The following SH3BGR variants were observed in gnomAD, a reference collection of about 807,000 sequenced individuals.
SH3BGR encodes the protein SH3 domain binding glutamate rich protein, also known as SH3 domain-binding glutamic acid-rich protein.
In SH3BGR, 29 loss-of-function variants were observed where a neutral mutation model predicts 24.5. The ratio of observed to expected loss-of-function variants is 1.18; its 90% CI spans 0.88 to 1.61. SH3BGR has a LOEUF of 1.61. SH3BGR is among the 40% of genes most tolerant of loss of function. The pLI, the probability that SH3BGR is intolerant of heterozygous loss-of-function variation, is 0.00. For synonymous variants in SH3BGR, 55 were observed against 65.7 expected, an observed-to-expected ratio of 0.84 and a Z score of 0.79; for missense variants, 162 against 205.8, an observed-to-expected ratio of 0.79 and a Z score of 1.30.
intron 2 of SH3BGR, among the ~76,000 whole-genome samples, chr21:39,466,713 A>G (rs532532288): frequency 1.8e-4 from 28 of 152,324 alleles, no homozygotes; most frequent in African/African-American, 6.7e-4. Context: ...ACTCACTATC[A>G]TGAGAACAGC....
intron 3 of SH3BGR, among the ~76,000 whole-genome samples, chr21:39,494,675 C>T (rs1484425994): frequency 6.6e-6 from 1 of 151,734 alleles, no homozygotes; most frequent in African/African-American, 2.4e-5. Flanking sequence ...TTATGATATG[C>T]CTACCTATGT....
At chr21:39,451,245 G>T (rs574193761), upstream of SH3BGR, among the ~76,000 whole-genome samples, 44 of 152,242 alleles carry the variant, frequency 2.9e-4, no homozygotes, top group East Asian at 7.7e-4. Context: ...GATTATTTTG[G>T]TTTTTTCCCC....
intron 2 of SH3BGR, among the ~76,000 whole-genome samples, chr21:39,467,380 C>T (rs968279826): frequency 3.9e-5 from 6 of 151,942 alleles, no homozygotes; most frequent in Non-Finnish European, 8.8e-5. Context: ...CAAATTATTT[C>T]ATGTTTAACT....
chr21:39,493,750 T>G (rs997174192), intron 3 of SH3BGR, among the ~76,000 whole-genome samples: 10 of 152,248 alleles, frequency 6.6e-5, no homozygotes, highest in African/African-American at 2.4e-4. Context: ...TTCATGAGCA[T>G]GGGATGTATT....
At chr21:39,449,853 C>T (rs2077553279), upstream of SH3BGR, among the ~76,000 whole-genome samples, 1 of 152,134 alleles carries the variant, frequency 6.6e-6, no homozygotes, top group Non-Finnish European at 1.5e-5. Context: ...AAGGGAGTGG[C>T]TTATGCAAAG....
At chr21:39,452,183 A>G (rs2077585830) in intron 1 of SH3BGR, 42 bp downstream of exon 1, 3 of 1,612,836 alleles carry the variant, frequency 1.9e-6, no homozygotes, top group African/African-American at 1.3e-5. Flanking sequence ...CTCTTTTCTG[A>G]ATAACTTAGG....
At chr21:39,494,231 CTCTTCTTCT>C (rs535727987) in intron 3 of SH3BGR, among the ~76,000 whole-genome samples, 1 of 145,376 alleles carries the variant, frequency 6.9e-6, no homozygotes, top group Non-Finnish European at 1.5e-5. Context: ...AGTCTTCTTC[CTCTTCTTCT>C]TCTTCTTCTT....
chr21:39,482,021 G>GT (rs113556426), intron 3 of SH3BGR, among the ~76,000 whole-genome samples: 4,720 of 152,252 alleles, frequency 0.031, 256 homozygotes, highest in African/African-American at 0.11. Context: ...CCTTAACAAA[G>GT]TAGCCAAACC....
chr21:39,470,662 C>T (rs1034784199), intron 2 of SH3BGR, among the ~76,000 whole-genome samples: 39 of 152,184 alleles, frequency 2.6e-4, no homozygotes, highest in African/African-American at 9.2e-4. Context: ...CATCCTGCTT[C>T]ACAAATTAGG....
chr21:39,486,034 T>G (rs2078208038), intron 3 of SH3BGR, among the ~76,000 whole-genome samples: 1 of 152,180 alleles, frequency 6.6e-6, no homozygotes. Context: ...TGAACCCAAA[T>G]GTATTTAACA....
chr21:39,489,966 A>C (rs1411634244), intron 3 of SH3BGR, among the ~76,000 whole-genome samples: 1 of 152,198 alleles, frequency 6.6e-6, no homozygotes, highest in Non-Finnish European at 1.5e-5. Flanking sequence ...GAGATATAGG[A>C]AAATATCCAT....
chr21:39,507,912 T>G (rs1013829782), intron 4 of SH3BGR, among the ~76,000 whole-genome samples: 4 of 152,218 alleles, frequency 2.6e-5, no homozygotes, highest in Non-Finnish European at 5.9e-5. Context: ...TGAGCTGTTG[T>G]ACTCTGCCAC....
intron 2 of SH3BGR, among the ~76,000 whole-genome samples, chr21:39,468,542 G>A (rs1306450508): frequency 6.6e-6 from 1 of 151,752 alleles, no homozygotes; most frequent in South Asian, 2.1e-4. Context: ...GTACTCGATC[G>A]ATCCTCTTGC....
intron 1 of SH3BGR, among the ~76,000 whole-genome samples, chr21:39,453,246 A>G (rs2148444484): frequency 6.6e-6 from 1 of 152,306 alleles, no homozygotes; most frequent in African/African-American, 2.4e-5. Context: ...GCTAAGTACA[A>G]CTGAGCAGCT....
intron 1 of SH3BGR, among the ~76,000 whole-genome samples, chr21:39,461,134 GAT>G (rs1491315825): frequency 1.4e-5 from 2 of 138,408 alleles, no homozygotes; most frequent in African/African-American, 5.6e-5. Context: ...TAGTTTTGTA[GAT>G]TTTTTTTTTT....
chr21:39,498,359 G>C (rs533976495), intron 3 of SH3BGR, among the ~76,000 whole-genome samples: 23 of 152,146 alleles, frequency 1.5e-4, no homozygotes, highest in Non-Finnish European at 1.6e-4. Flanking sequence ...TATTTTAAAA[G>C]GCTGGGACCC....
intron 2 of SH3BGR, among the ~76,000 whole-genome samples, chr21:39,470,094 T>G (rs1029788491): frequency 1.3e-5 from 2 of 152,126 alleles, no homozygotes; most frequent in Non-Finnish European, 2.9e-5. Context: ...AGTTTTGCAG[T>G]TTTTTTAATC....
At chr21:39,502,202 T>G (rs1038015559) in intron 4 of SH3BGR, among the ~76,000 whole-genome samples, 1 of 152,166 alleles carries the variant, frequency 6.6e-6, no homozygotes, top group Non-Finnish European at 1.5e-5. Flanking sequence ...GAGGACATTG[T>G]GGGCTATTTG....
upstream of SH3BGR, chr21:39,451,713 C>A (rs1299849146): frequency 2.9e-6 from 2 of 689,392 alleles, no homozygotes; most frequent in Non-Finnish European, 4.7e-6. Flanking sequence ...GTTACCGGGG[C>A]CCCACCTCCC....
Sources: gnomAD v4.1 joint callset for allele counts (sites outside exome capture counted in the v4.1 genomes callset) on GRCh38, gnomAD v4.1.1 for gene constraint, MANE v1.5 for transcripts, NCBI Gene and HGNC (gene_info 2026-07-23, HGNC 2026-07-21) for gene names.